The following MAP4K4 variants were observed in gnomAD, a reference collection of about 807,000 sequenced individuals.
The protein encoded by MAP4K4 is HPK/GCK-like kinase HGK.
In MAP4K4, 38 loss-of-function variants were observed where a neutral mutation model predicts 189.6. The ratio of observed to expected loss-of-function variants is 0.20; its 90% CI spans 0.15 to 0.26. The LOEUF is 0.26. Among genes scored for constraint, MAP4K4 ranks in the 10% least tolerant of loss-of-function variants. MAP4K4 has a pLI of 1.00. For missense variants in MAP4K4, 1,054 were observed against 1,726.9 expected (o/e 0.61, Z 6.91); for synonymous variants, 610 against 624.3 (o/e 0.98, Z 0.34).
intron 12 of MAP4K4, among the ~76,000 whole-genome samples, chr2:101,848,080 A>T (rs1305021045): frequency 2.0e-5 from 3 of 152,160 alleles, no homozygotes; most frequent in Admixed American, 2.0e-4. Context: ...AGGCTGTACC[A>T]TCTAGGTTTG....
chr2:101,723,338 T>A (rs1230171908), intron 2 of MAP4K4, among the ~76,000 whole-genome samples: 1 of 152,254 alleles, frequency 6.6e-6, no homozygotes, highest in Non-Finnish European at 1.5e-5. Context: ...GCTAGTAACA[T>A]ATTGTAAATA....
intron 3 of MAP4K4, among the ~76,000 whole-genome samples, chr2:101,816,444 A>ACCTGTTTTT: frequency 1.3e-5 from 2 of 151,964 alleles, no homozygotes; most frequent in East Asian, 3.9e-4. Context: ...CCTTTCTTGG[A>ACCTGTTTTT]CCTGTTTTTA....
At chr2:101,793,095 A>G (rs1260629344) in intron 3 of MAP4K4, among the ~76,000 whole-genome samples, 1 of 152,204 alleles carries the variant, frequency 6.6e-6, no homozygotes, top group East Asian at 1.9e-4. Flanking sequence ...TGCCTGAAAA[A>G]TCAGGCAATG....
chr2:101,772,742 T>C (rs889710189), intron 2 of MAP4K4, among the ~76,000 whole-genome samples: 7 of 152,206 alleles, frequency 4.6e-5, no homozygotes. Flanking sequence ...ATTGCTTAGG[T>C]GTTATGGTAA....
chr2:101,771,082 G>T (rs148816136), intron 2 of MAP4K4, among the ~76,000 whole-genome samples: 79 of 152,252 alleles, frequency 5.2e-4, no homozygotes, highest in African/African-American at 1.9e-3. Flanking sequence ...AAAATAGTTG[G>T]ATATATCACC....
chr2:101,802,437 T>C (rs1426137681), intron 3 of MAP4K4, among the ~76,000 whole-genome samples: 2 of 152,172 alleles, frequency 1.3e-5, no homozygotes, highest in African/African-American at 4.8e-5. Flanking sequence ...CCCTACTTGA[T>C]TGGCCTCCCA....
At chr2:101,834,600 A>C in intron 8 of MAP4K4, 137 bp downstream of exon 8, 2 of 666,068 alleles carry the variant, frequency 3.0e-6, no homozygotes, top group Non-Finnish European at 5.2e-6. Context: ...ACATAAATAT[A>C]GTCAAGTTTT....
At chr2:101,844,900 G>A (rs1478518422) in intron 12 of MAP4K4, among the ~76,000 whole-genome samples, 2 of 152,022 alleles carry the variant, frequency 1.3e-5, no homozygotes, top group African/African-American at 4.8e-5. Context: ...AACAAACCAC[G>A]TTCTGCAGTG....
chr2:101,746,822 G>A (rs1056356663), intron 2 of MAP4K4, among the ~76,000 whole-genome samples: 10 of 151,670 alleles, frequency 6.6e-5, no homozygotes, highest in African/African-American at 9.7e-5. Context: ...TGTCTTCGCC[G>A]CCCCTTCCCT....
At chr2:101,893,669 C>T (rs1033744802) in exon 33 of MAP4K4, 1 of 156,120 alleles carries the variant, frequency 6.4e-6, no homozygotes, top group African/African-American at 2.4e-5. Context: ...ATGGTCTTAA[C>T]ATTATCCAAA....
At chr2:101,730,137 G>T (rs763697266) in intron 2 of MAP4K4, among the ~76,000 whole-genome samples, 1 of 152,140 alleles carries the variant, frequency 6.6e-6, no homozygotes, top group Non-Finnish European at 1.5e-5. Flanking sequence ...ATTCTGCTTC[G>T]TTCATGTACT....
intron 2 of MAP4K4, among the ~76,000 whole-genome samples, chr2:101,752,094 G>A (rs1462972970): frequency 1.3e-5 from 2 of 152,098 alleles, no homozygotes; most frequent in South Asian, 2.1e-4. Context: ...AAAGCTTAAC[G>A]GTGTTTCAGT....
At chr2:101,837,502 T>A (rs1382886898) in intron 9 of MAP4K4, among the ~76,000 whole-genome samples, 2 of 152,158 alleles carry the variant, frequency 1.3e-5, no homozygotes, top group African/African-American at 4.8e-5. Context: ...GAATGGTTTT[T>A]ATTGCCACAG....
intron 2 of MAP4K4, among the ~76,000 whole-genome samples, chr2:101,738,399 A>G (rs2061334394): frequency 6.6e-6 from 1 of 152,210 alleles, no homozygotes; most frequent in African/African-American, 2.4e-5. Flanking sequence ...AGTCAATACT[A>G]GAAGTAACTT....
intron 3 of MAP4K4, among the ~76,000 whole-genome samples, chr2:101,813,232 G>A (rs2149189900): frequency 6.6e-6 from 1 of 152,218 alleles, no homozygotes; most frequent in East Asian, 1.9e-4. Flanking sequence ...AATAAAATTT[G>A]TATTTTCAAC....
chr2:101,719,995 A>G (rs2050784694), intron 2 of MAP4K4, among the ~76,000 whole-genome samples: 1 of 151,952 alleles, frequency 6.6e-6, no homozygotes, highest in African/African-American at 2.4e-5. Context: ...CTGGGCGACA[A>G]GAGTGAGACT....
At chr2:101,729,109 T>A (rs1307449562) in intron 2 of MAP4K4, among the ~76,000 whole-genome samples, 1 of 150,472 alleles carries the variant, frequency 6.6e-6, no homozygotes, top group Non-Finnish European at 1.5e-5. Flanking sequence ...AGAGTGTGTG[T>A]GTGTGTGTGT....
chr2:101,703,339 A>G, intron 2 of MAP4K4, among the ~76,000 whole-genome samples: 1 of 152,122 alleles, frequency 6.6e-6, no homozygotes, highest in East Asian at 1.9e-4. Flanking sequence ...CGGTTTGCCC[A>G]CAGTATTAGG....
At chr2:101,821,530 A>G (rs1475295049) in intron 3 of MAP4K4, among the ~76,000 whole-genome samples, 1 of 152,220 alleles carries the variant, frequency 6.6e-6, no homozygotes, top group African/African-American at 2.4e-5. Flanking sequence ...AGAGATTGTC[A>G]AAATATGTTA....
Sources: allele counts gnomAD v4.1 joint callset (sites outside exome capture counted in the v4.1 genomes callset), GRCh38; gene constraint gnomAD v4.1.1; transcripts MANE v1.5; gene names NCBI Gene and HGNC (gene_info 2026-07-23, HGNC 2026-07-21).